The following ZNF697 variants were observed in gnomAD, a reference collection of about 807,000 sequenced individuals.
ZNF697 encodes the protein zinc finger protein 697.
Under a neutral mutation model 32.4 loss-of-function variants are expected in ZNF697, and 23 were observed. That is an observed-to-expected ratio of 0.71 (90% CI 0.51 to 1.01). ZNF697 has a LOEUF of 1.01. ZNF697 is among the 50% of genes least tolerant of loss of function. The pLI, the probability that ZNF697 is intolerant of heterozygous loss-of-function variation, is 0.00. For missense variants in ZNF697, 930 were observed against 794.0 expected (o/e 1.17, Z -2.06); for synonymous variants, 418 against 337.2 (o/e 1.24, Z -2.62).
intron 1 of ZNF697, among the ~76,000 whole-genome samples, chr1:119,647,399 C>T (rs1246572537): frequency 1.3e-5 from 2 of 152,196 alleles, no homozygotes; most frequent in Non-Finnish European, 2.9e-5. Context: ...ACGGCCACCC[C>T]TCTTGGGCTG....
chr1:119,645,061 T>C (rs1208033123), intron 1 of ZNF697, among the ~76,000 whole-genome samples: 1 of 152,240 alleles, frequency 6.6e-6, no homozygotes, highest in African/African-American at 2.4e-5. Flanking sequence ...CCACTCCATA[T>C]TCTGCCTGAG....
At chr1:119,626,501 G>GC (rs1648595548) in intron 1 of ZNF697, among the ~76,000 whole-genome samples, 1 of 152,198 alleles carries the variant, frequency 6.6e-6, no homozygotes. Flanking sequence ...CTAGCCCAAG[G>GC]CTACATAAAC....
chr1:119,645,309 C>G lies in ZNF697; in HGVS notation c.-38+2382G>C, dbSNP rs1370450729. Among the ~76,000 whole-genome samples the G allele has an allele frequency of 3.9e-5, 6 of 152,088 alleles. No individual in the cohort carries two copies. In the East Asian group the frequency reaches 1.2e-3, roughly 29 times the overall value. ...GCAAGATAATTAAGATTTTTTTTAT[C>G]CTTTCACTCCTTCTTTGATTTATTC... On this transcript the variant is annotated intron_variant, in intron 1 of 2. Coordinates refer to ENST00000421812, the MANE Select transcript of ZNF697 (RefSeq NM_001080470.2).
In ZNF697 at chr1:119,624,084, C is replaced by T. The variant is rs1209488800; in HGVS notation, c.259G>A (p.Val87Ile). ...GATTGGTCATCCTCTTCCCCACGGA[C>T]AGAAACGCCTTCTTCCTCACTCAGC... ...GQLSEEEGVS[V>I]RGEEDDQSGV... The change falls in exon 3 of 3, where the codon GTC (valine) becomes ATC (isoleucine). Residue 87 changes from valine to isoleucine, a missense_variant. Val to Ile is a conservative substitution (Grantham distance 29). Transcript: ENST00000421812. 6.3e-7 allele frequency: 1 copy of T among 1,593,396 alleles called. No homozygotes were observed. Among genetic ancestry groups the T allele is most frequent in the African/African-American group, 1.3e-5 (1 of 74,328 alleles).
In ZNF697 at chr1:119,622,971, C is replaced by T. The variant is rs1473273518; in HGVS notation, c.1372G>A (p.Val458Met). The change falls in exon 3 of 3, where the codon GTG becomes ATG. Residue 458 changes from valine (V) to methionine (M), a missense_variant. Physicochemically the swap from Val to Met is conservative, Grantham distance 21. Coordinates refer to ENST00000421812, the MANE Select transcript of ZNF697 (RefSeq NM_001080470.2). ...RNSHLVNHLRVHTGEKPFRCG... is the reference protein window; with the variant it reads ...RNSHLVNHLRMHTGEKPFRCG... ...CGGAAGGGCTTCTCGCCGGTGTGCA[C>T]GCGCAGGTGGTTCACCAGGTGCGAG... The T allele has an allele frequency of 2.5e-6, 4 of 1,599,256 alleles. No homozygotes were observed. Among genetic ancestry groups the T allele is most frequent in the South Asian group, 1.1e-5 (1 of 89,616 alleles).
intron 1 of ZNF697, among the ~76,000 whole-genome samples, chr1:119,636,667 C>T (rs1648932120): frequency 6.6e-6 from 1 of 152,196 alleles, no homozygotes. Flanking sequence ...ACAGATGAGT[C>T]AGGCAATGGA....
intron 1 of ZNF697, among the ~76,000 whole-genome samples, chr1:119,632,020 T>A (rs1198701733): frequency 6.6e-6 from 1 of 151,770 alleles, no homozygotes; most frequent in Non-Finnish European, 1.5e-5. Context: ...ACAACTGGGG[T>A]CTAACCAGAG....
chr1:119,623,708 CGG>C lies in ZNF697; in HGVS notation c.633_634del (p.His211GlnfsTer4). On this transcript the variant is annotated frameshift_variant, in exon 3 of 3. Transcript: ENST00000421812. LOFTEE classifies it high-confidence loss of function. ...GGCGGCGGCAGCGGCCTCAGCCAGG[CGG>C]TGAATGCGCTGGTGCTGCAGGAAGG... is the stretch of plus-strand genomic sequence containing the variant. The C allele has an allele frequency of 6.5e-7, 1 of 1,534,280 alleles. No homozygotes were observed. Among genetic ancestry groups the C allele is most frequent in the Non-Finnish European group, 8.7e-7 (1 of 1,145,782 alleles).
At position 119,624,050 on chromosome 1, in the gene ZNF697, G is replaced by C; in HGVS notation, c.293C>G (p.Ala98Gly). The stretch of plus-strand genomic sequence containing the variant: ...CAGTCCTGGGAACATCGCCATGTCA[G>C]CTACACCGGATTGGTCATCCTCTTC... ...RGEEDDQSGVADMAMFPGLSE... is the reference protein window; with the variant it reads ...RGEEDDQSGVGDMAMFPGLSE... The change falls in exon 3 of 3, where the codon GCT (alanine) becomes GGT (glycine). Residue 98 changes from alanine to glycine, a missense_variant. By Grantham distance (60) the Ala-to-Gly change is moderately conservative (BLOSUM62 0). Transcript: ENST00000421812. The C allele has an allele frequency of 1.2e-6, 2 of 1,611,642 alleles. No homozygotes were observed. Among genetic ancestry groups the C allele is most frequent in the South Asian group, 1.1e-5 (1 of 90,676 alleles).
In ZNF697 at chr1:119,623,600, GC is replaced by G; in HGVS notation, c.742del (p.Ala248ProfsTer29). 7.0e-7 allele frequency: 1 copy of G among 1,430,046 alleles called. No homozygotes were observed. The highest frequency in any genetic ancestry group is 9.1e-7 in the Non-Finnish European group (1 of 1,104,790). 88.6% of individuals were successfully genotyped at this position (1,430,046 alleles called of 1,614,324 possible). A position where few individuals can be genotyped will look rare whatever the true frequency, so the allele number is the denominator to read the frequency against. ...CGGGGGCCGGGCCAGCGGGGGCCCGGCCCCGAAGCCCCCCGCCACACCCACC... is the reference window on the plus strand; with the variant it reads ...CGGGGGCCGGGCCAGCGGGGGCCCGGCCCGAAGCCCCCCGCCACACCCACC... ...MGVGVAGGFG[A>X]GPPLARPPRE... On this transcript the variant is annotated frameshift_variant, in exon 3 of 3. Transcript: ENST00000421812. LOFTEE classifies it high-confidence loss of function.
chr1:119,622,842 T>C lies in ZNF697; in HGVS notation c.1501A>G (p.Ser501Gly). ...ATCAGGTGGGAGCTCTGGATAAAGC[T>C]CTTGCCGCACTCGATGCACGTGTAG... The part of the protein sequence containing the change: ...KPYTCIECGK[S>G]FIQSSHLIRH... The change falls in exon 3 of 3, where the codon AGC becomes GGC. Residue 501 changes from serine to glycine, a missense_variant. Transcript: ENST00000421812. 1 of 1,607,348 alleles carries C rather than the reference T, an allele frequency of 6.2e-7. No individual in the cohort carries two copies. Among genetic ancestry groups the C allele is most frequent in the South Asian group, 1.1e-5 (1 of 90,264 alleles).
intron 1 of ZNF697, among the ~76,000 whole-genome samples, chr1:119,633,395 T>TAGAGAG (rs1212878397): frequency 7.0e-6 from 1 of 143,708 alleles, no homozygotes; most frequent in East Asian, 2.0e-4. Context: ...TGTGTGTGTA[T>TAGAGAG]AGAGAGAGAG....
chr1:119,631,581 AGCCCCC>A (rs1648773364), intron 1 of ZNF697, among the ~76,000 whole-genome samples: 1 of 151,424 alleles, frequency 6.6e-6, no homozygotes, highest in African/African-American at 2.4e-5. Flanking sequence ...GATCACTCCC[AGCCCCC>A]GCTTGGGCCC....
Position 119,622,475 on chromosome 1 carries a change from C to T in ZNF697, c.*230G>A. ...CGTGTATTTAAGGAAGTCATCACCC[C>T]AAGCGCATCTCCTGAACAATTCTTC... On this transcript the variant is annotated 3_prime_UTR_variant, in exon 3 of 3. Coordinates refer to ENST00000421812, the MANE Select transcript of ZNF697 (RefSeq NM_001080470.2). 1.3e-6 allele frequency: 1 copy of T among 765,416 alleles called. No homozygotes were observed. The highest frequency in any genetic ancestry group is 2.6e-5 in the South Asian group (1 of 38,690). The allele number at this position is 765,416 out of a possible 1,614,324, so 47.4% of individuals were successfully genotyped here. A position where few individuals can be genotyped will look rare whatever the true frequency, so the allele number is the denominator to read the frequency against.
rs1334265589 is a variant in ZNF697 at position 119,622,666 on chromosome 1, A to ACAGGCTCCCCAGACGG, written c.*23_*38dup. 2.7e-6 allele frequency: 4 copies of ACAGGCTCCCCAGACGG among 1,470,904 alleles called. No individual in the cohort carries two copies. The highest frequency in any genetic ancestry group is 2.3e-5 in the Admixed American group (1 of 42,942). 91.1% of individuals were successfully genotyped at this position (1,470,904 alleles called of 1,614,324 possible). A position where few individuals can be genotyped will look rare whatever the true frequency, so the allele number is the denominator to read the frequency against. ...GTCAGTCCCAGGATATCTACCCCCCACAGGCTCCCCAGACGGCAGCCTCCC... is the reference window on the plus strand; with the variant it reads ...GTCAGTCCCAGGATATCTACCCCCCACAGGCTCCCCAGACGGCAGGCTCCCCAGACGGCAGCCTCCC... On this transcript the variant is annotated 3_prime_UTR_variant, in exon 3 of 3. Coordinates refer to ENST00000421812, the MANE Select transcript of ZNF697 (RefSeq NM_001080470.2).
intron 1 of ZNF697, among the ~76,000 whole-genome samples, chr1:119,640,206 T>G (rs1429401775): frequency 6.6e-6 from 1 of 152,212 alleles, no homozygotes; most frequent in Non-Finnish European, 1.5e-5. Flanking sequence ...TTATTCACTT[T>G]GATAATTCCC....
chr1:119,637,145 A>T (rs1335220647), intron 1 of ZNF697, among the ~76,000 whole-genome samples: 1 of 152,256 alleles, frequency 6.6e-6, no homozygotes, highest in Non-Finnish European at 1.5e-5. Context: ...ACAAATCTTC[A>T]AAGTGTTAGC....
chr1:119,623,157 A>C lies in ZNF697; in HGVS notation c.1186T>G (p.Leu396Val). The change falls in exon 3 of 3, where the codon TTG (leucine) becomes GTG (valine). Residue 396 changes from leucine (L) to valine (V), a missense_variant. Coordinates refer to ENST00000421812, the MANE Select transcript of ZNF697 (RefSeq NM_001080470.2). ...CGKRFSWRSDLVKHQRVHTGE... is the reference protein window; with the variant it reads ...CGKRFSWRSDVVKHQRVHTGE... The stretch of plus-strand genomic sequence containing the variant: ...GTGTGCACGCGCTGGTGCTTCACCA[A>C]GTCCGAGCGCCAGCTGAAGCGCTTG... 7 of 1,546,846 alleles carry C rather than the reference A, an allele frequency of 4.5e-6. No homozygotes were observed. The highest frequency in any genetic ancestry group is 6.1e-6 in the Non-Finnish European group (7 of 1,151,120).
At chr1:119,637,052 A>T (rs1181095142) in intron 1 of ZNF697, among the ~76,000 whole-genome samples, 1 of 152,252 alleles carries the variant, frequency 6.6e-6, no homozygotes, top group Non-Finnish European at 1.5e-5. Context: ...CCTACCCAGT[A>T]CACAAAATGC....
Sources: allele counts gnomAD v4.1 joint callset (sites outside exome capture counted in the v4.1 genomes callset), GRCh38; gene constraint gnomAD v4.1.1; transcripts MANE v1.5; gene names NCBI Gene and HGNC (gene_info 2026-07-23, HGNC 2026-07-21).